Variants in BOK observed in about 807,000 individuals in gnomAD.
BOK encodes the protein bcl-2-related ovarian killer protein.
In BOK, 20 loss-of-function variants were observed where a neutral mutation model predicts 18.3. The ratio of observed to expected loss-of-function variants is 1.09; its 90% CI spans 0.77 to 1.59. BOK has a LOEUF of 1.59. Ranked by LOEUF, BOK falls within the 40% of genes most tolerant of loss-of-function variation. The pLI is 0.00. For missense variants in BOK, 348 were observed against 307.9 expected, an observed-to-expected ratio of 1.13 and a Z score of -0.97; for synonymous variants, 173 against 142.4, an observed-to-expected ratio of 1.21 and a Z score of -1.53.
At chr2:241,572,152 C>A in intron 4 of BOK, 145 bp from the exon 5 acceptor site, 1 of 1,320,998 alleles carries the variant, frequency 7.6e-7, no homozygotes, top group Non-Finnish European at 1.0e-6. Context: ...CAGTCCAGGC[C>A]ACAGACCTCC....
chr2:241,555,256 C>T (rs746684258), upstream of BOK, among the ~76,000 whole-genome samples: 8 of 152,138 alleles, frequency 5.3e-5, no homozygotes, highest in Non-Finnish European at 8.8e-5. Flanking sequence ...TGGCTATTCA[C>T]AGGCACTACA....
chr2:241,560,588 C>T (rs951481373), intron 2 of BOK, among the ~76,000 whole-genome samples: 10 of 152,158 alleles, frequency 6.6e-5, no homozygotes, highest in Admixed American at 2.6e-4. Context: ...TAGACCTGGC[C>T]TGCCCAGGAG....
chr2:241,562,605 C>T lies in BOK; in HGVS notation c.349+129C>T. 1 of 1,254,006 alleles carries T rather than the reference C, an allele frequency of 8.0e-7. No individual in the cohort carries two copies. The highest frequency in any genetic ancestry group is 1.6e-5 in the South Asian group (1 of 61,126). 77.7% of individuals were successfully genotyped at this position (1,254,006 alleles called of 1,614,324 possible). On this transcript the variant is annotated intron_variant, in intron 3 of 4. Coordinates refer to ENST00000318407, the MANE Select transcript of BOK (RefSeq NM_032515.5). The surrounding 1 kb of genome is among the most constrained non-coding windows in gnomAD (Gnocchi z 4.5). ...TGCCCAGTGCCCACCGGTGCCATCT[C>T]ACTGCTGCAGGTGTCAGGAGCTGCC...
chr2:241,571,558 A>G (rs559543253), intron 4 of BOK, among the ~76,000 whole-genome samples: 1 of 152,164 alleles, frequency 6.6e-6, no homozygotes, highest in Non-Finnish European at 1.5e-5. Context: ...GATGTCGCAC[A>G]TGGCTACAGG....
At position 241,559,482 on chromosome 2, in the gene BOK, C is replaced by T. The variant is rs1225293418; in HGVS notation, c.-2C>T. The T allele has an allele frequency of 4.8e-6, 7 of 1,464,398 alleles. No individual in the cohort carries two copies. The South Asian group carries it at 9.3e-5, about 19-fold the overall frequency. The allele number at this position is 1,464,398 out of a possible 1,614,324, so 90.7% of individuals were successfully genotyped here. A position where few individuals can be genotyped will look rare whatever the true frequency, so the allele number is the denominator to read the frequency against. ...GCGGCGCCCCCCACCCGCGTCGCCG[C>T]CATGGAGGTGCTGCGGCGCTCCTCG... On this transcript the variant is annotated 5_prime_UTR_variant, in exon 2 of 5. Coordinates refer to ENST00000318407, the MANE Select transcript of BOK (RefSeq NM_032515.5).
chr2:241,564,159 G>T (rs2125049499), intron 3 of BOK, among the ~76,000 whole-genome samples: 1 of 152,362 alleles, frequency 6.6e-6, no homozygotes, highest in African/African-American at 2.4e-5. Flanking sequence ...TGCTGGAGCG[G>T]GAAGGCTGAG....
At chr2:241,571,255 A>G (rs2066713932) in intron 4 of BOK, among the ~76,000 whole-genome samples, 1 of 147,830 alleles carries the variant, frequency 6.8e-6, no homozygotes, top group African/African-American at 2.4e-5. Flanking sequence ...TGGGTGTCAG[A>G]GCCAAACCCT....
upstream of BOK, among the ~76,000 whole-genome samples, chr2:241,558,054 G>GAC (rs60885185): frequency 9.6e-3 from 1,370 of 143,342 alleles, 18 homozygotes; most frequent in East Asian, 0.028. Context: ...AGAGTTCCGA[G>GAC]ACACACACAC....
upstream of BOK, among the ~76,000 whole-genome samples, chr2:241,558,002 G>A (rs1187713919): frequency 7.3e-6 from 1 of 136,256 alleles, no homozygotes; most frequent in African/African-American, 2.8e-5. Context: ...TGTTCAAACT[G>A]TGTGAGGTTG....
upstream of BOK, among the ~76,000 whole-genome samples, chr2:241,555,267 G>A (rs1315045947): frequency 6.6e-6 from 1 of 152,042 alleles, no homozygotes; most frequent in Non-Finnish European, 1.5e-5. Flanking sequence ...AGGCACTACA[G>A]CCCTGAACTC....
chr2:241,566,586 A>T (rs950531039), intron 3 of BOK, among the ~76,000 whole-genome samples: 2 of 152,076 alleles, frequency 1.3e-5, no homozygotes, highest in Admixed American at 1.3e-4. Flanking sequence ...CAGTGCTGGG[A>T]AAAAACACAA....
intron 3 of BOK, among the ~76,000 whole-genome samples, chr2:241,566,458 C>G (rs1465470504): frequency 6.6e-6 from 1 of 151,708 alleles, no homozygotes; most frequent in Non-Finnish European, 1.5e-5. Flanking sequence ...GCCACCACGC[C>G]TAGCTAATTT....
At chr2:241,563,598 G>T (rs1375122994) in intron 3 of BOK, among the ~76,000 whole-genome samples, 1 of 152,148 alleles carries the variant, frequency 6.6e-6, no homozygotes, top group African/African-American at 2.4e-5. Context: ...GCAGTTTTTT[G>T]GAAGACCCCT....
At chr2:241,552,333 AGCACGCCCT>A (rs940732972) in intron 1 of BOK, among the ~76,000 whole-genome samples, 1 of 150,596 alleles carries the variant, frequency 6.6e-6, no homozygotes, top group Non-Finnish European at 1.5e-5. Flanking sequence ...TTGCACCCGC[AGCACGCCCT>A]GCACTCCAGA....
rs2066755952 is a variant in BOK, at chr2:241,573,494, A to C, written c.*1072A>C. ...GAAGAGCTGTGGGGACTCAGCCTGTAAACAGAGCGTAAGGTTCACATGCTG... is the reference window on the plus strand; with the variant it reads ...GAAGAGCTGTGGGGACTCAGCCTGTCAACAGAGCGTAAGGTTCACATGCTG... On this transcript the variant is annotated 3_prime_UTR_variant, in exon 5 of 5. Transcript: ENST00000318407. The C allele has an allele frequency of 6.6e-6, 1 of 152,432 alleles. No homozygotes were observed. The highest frequency in any genetic ancestry group is 1.5e-5 in the Non-Finnish European group (1 of 68,190). The allele number at this position is 152,432 out of a possible 1,614,324, so 9.4% of individuals were successfully genotyped here. A position where few individuals can be genotyped will look rare whatever the true frequency, so the allele number is the denominator to read the frequency against.
At chr2:241,564,733 T>C (rs924788514) in intron 3 of BOK, among the ~76,000 whole-genome samples, 11 of 152,008 alleles carry the variant, frequency 7.2e-5, no homozygotes, top group South Asian at 6.2e-4. Flanking sequence ...GAAGGCATCC[T>C]GGGCTGACGA....
chr2:241,562,077 C>T lies in BOK; in HGVS notation c.221-271C>T, dbSNP rs912653885. ...AGGATTCCCGCCCCACCGGCTTGGC[C>T]GGCTAGGCTTAGGGGCTGGCTCGTC... On this transcript the variant is annotated intron_variant, in intron 2 of 4. Transcript: ENST00000318407. The surrounding 1 kb of genome is among the most constrained non-coding windows in gnomAD (Gnocchi z 4.5). 3.9e-5 allele frequency among the ~76,000 whole-genome samples: 6 copies of T among 152,366 alleles called. No homozygotes were observed. The highest frequency in any genetic ancestry group is 2.1e-4 in the South Asian group (1 of 4,828).
Position 241,559,631 on chromosome 2 carries a change from T to C in BOK, c.148T>C (p.Trp50Arg). The change falls in exon 2 of 5, where the codon TGG becomes CGG. Residue 50 changes from tryptophan to arginine, a missense_variant. Coordinates refer to ENST00000318407, the MANE Select transcript of BOK (RefSeq NM_032515.5). ...HARLLRAGLSWSAPERAAPVP... is the reference protein window; with the variant it reads ...HARLLRAGLSRSAPERAAPVP... ...GCGGCTGCTGCGCGCCGGCCTCTCC[T>C]GGAGCGCGCCCGAGCGTGCCGCGCC... The C allele has an allele frequency of 7.0e-7, 1 of 1,436,018 alleles. No individual in the cohort carries two copies. Among genetic ancestry groups the C allele is most frequent in the Non-Finnish European group, 9.1e-7 (1 of 1,102,258 alleles). The allele number at this position is 1,436,018 out of a possible 1,614,324, so 89.0% of individuals were successfully genotyped here.
At chr2:241,566,357 G>T (rs2066613705) in intron 3 of BOK, among the ~76,000 whole-genome samples, 1 of 148,698 alleles carries the variant, frequency 6.7e-6, no homozygotes. Flanking sequence ...GAGGTGCAAT[G>T]GTGCGATCTC....
Sources: allele counts gnomAD v4.1 joint callset (sites outside exome capture counted in the v4.1 genomes callset), GRCh38; gene constraint gnomAD v4.1.1; non-coding constraint Gnocchi (gnomAD v3.1); transcripts MANE v1.5; gene names NCBI Gene and HGNC (gene_info 2026-07-23, HGNC 2026-07-21).